Variants in SYCP2L observed in about 807,000 individuals in gnomAD.
The protein encoded by SYCP2L is synaptonemal complex protein 2 like.
A neutral mutation model predicts 125.8 loss-of-function variants in SYCP2L; 98 were observed. The observed-to-expected ratio is 0.78, with a 90% CI of 0.66 to 0.92. The LOEUF (loss-of-function observed/expected upper bound fraction) is 0.92, where lower values mean the gene tolerates loss of function less well. SYCP2L is among the 40% of genes least tolerant of loss of function. The pLI is 0.00. For missense variants in SYCP2L, 842 were observed against 936.4 expected (o/e 0.90, Z 1.32); for synonymous variants, 317 against 325.4 (o/e 0.97, Z 0.28).
intron 14 of SYCP2L, 102 bp downstream of exon 14, chr6:10,913,029 C>G: frequency 4.4e-6 from 5 of 1,141,856 alleles, no homozygotes; most frequent in Non-Finnish European, 6.3e-6. Context: ...TTTGACCATG[C>G]CTTGAGGTAG....
At chr6:10,944,212 T>A (rs1781271953) in intron 23 of SYCP2L, among the ~76,000 whole-genome samples, 1 of 152,234 alleles carries the variant, frequency 6.6e-6, no homozygotes, top group Admixed American at 6.5e-5. Context: ...ACTTGGTATT[T>A]TAAATTTCTG....
chr6:10,894,943 G>A (rs1027259925), intron 4 of SYCP2L, among the ~76,000 whole-genome samples: 3 of 152,142 alleles, frequency 2.0e-5, no homozygotes, highest in Non-Finnish European at 4.4e-5. Context: ...GAAGTTTATT[G>A]AGGCCAGATT....
chr6:10,902,630 C>A (rs779432078), intron 6 of SYCP2L, 47 bp from the exon 7 acceptor site: 9 of 1,542,242 alleles, frequency 5.8e-6, no homozygotes, highest in Non-Finnish European at 4.5e-6. Context: ...GAGTCATTTT[C>A]TTACTCTTCC....
chr6:10,906,323 T>C (rs1174841177), intron 9 of SYCP2L, among the ~76,000 whole-genome samples: 1 of 152,042 alleles, frequency 6.6e-6, no homozygotes, highest in African/African-American at 2.4e-5. Flanking sequence ...AAAAAAACAG[T>C]GTCATGGATA....
chr6:10,917,241 G>A (rs2113331686), intron 14 of SYCP2L, among the ~76,000 whole-genome samples: 1 of 152,290 alleles, frequency 6.6e-6, no homozygotes, highest in South Asian at 2.1e-4. Flanking sequence ...TGTCAGTGGA[G>A]TATTGAAGTC....
intron 21 of SYCP2L, among the ~76,000 whole-genome samples, chr6:10,938,978 G>A (rs1484282847): frequency 6.6e-6 from 1 of 152,030 alleles, no homozygotes; most frequent in African/African-American, 2.4e-5. Context: ...ATATTAGCTA[G>A]GCATGGTGGC....
chr6:10,943,568 T>C (rs928771093), intron 23 of SYCP2L, among the ~76,000 whole-genome samples: 1 of 151,394 alleles, frequency 6.6e-6, no homozygotes, highest in African/African-American at 2.4e-5. Flanking sequence ...AAAGAATGAC[T>C]ATAAAGTGAA....
At chr6:10,936,453 C>G (rs1781096806) in intron 21 of SYCP2L, among the ~76,000 whole-genome samples, 1 of 151,718 alleles carries the variant, frequency 6.6e-6, no homozygotes, top group South Asian at 2.1e-4. Context: ...CCACTGCACT[C>G]CAGCCTGGGC....
intron 29 of SYCP2L, among the ~76,000 whole-genome samples, chr6:10,967,493 G>A (rs886091195): frequency 6.7e-6 from 1 of 150,330 alleles, no homozygotes; most frequent in Admixed American, 6.6e-5. Context: ...GTGTGTGTGT[G>A]TGTATTGAGG....
rs922442830 is a variant in SYCP2L, at chr6:10,898,017, T to A, written c.343T>A (p.Ser115Thr). ...IRQGLIPKLV[S>T]WFERTTGILT... ...TTAGTGTCCTCCTGTGTACCTAGTT[T>A]CCTGGTTTGAAAGAACAACAGGAAT... The change falls in exon 5 of 30, where the codon TCC (serine) becomes ACC (threonine). Residue 115 changes from serine (S) to threonine (T), a missense_variant. Physicochemically the swap from Ser to Thr is moderately conservative, Grantham distance 58. Coordinates refer to ENST00000283141, the MANE Select transcript of SYCP2L (RefSeq NM_001040274.3). 1.2e-6 allele frequency: 2 copies of A among 1,613,168 alleles called. No individual in the cohort carries two copies. The highest frequency in any genetic ancestry group is 2.7e-5 in the African/African-American group (2 of 74,926).
chr6:10,935,644 C>T (rs2113366728), intron 21 of SYCP2L, among the ~76,000 whole-genome samples: 1 of 152,144 alleles, frequency 6.6e-6, no homozygotes, highest in South Asian at 2.1e-4. Flanking sequence ...CCTGCCTCAG[C>T]CTCCCATGCC....
At chr6:10,936,138 T>C (rs1316333123) in intron 21 of SYCP2L, among the ~76,000 whole-genome samples, 2 of 152,052 alleles carry the variant, frequency 1.3e-5, no homozygotes, top group Admixed American at 6.6e-5. Flanking sequence ...AATCTGTTAG[T>C]GTAGCTGCCA....
chr6:10,925,742 A>G (rs547889234), intron 15 of SYCP2L, among the ~76,000 whole-genome samples: 1 of 152,310 alleles, frequency 6.6e-6, no homozygotes, highest in South Asian at 2.1e-4. Flanking sequence ...CATTTCATGG[A>G]TGAGGATGAG....
At chr6:10,932,916 G>GCT (rs1561692212) in intron 20 of SYCP2L, among the ~76,000 whole-genome samples, 1 of 152,154 alleles carries the variant, frequency 6.6e-6, no homozygotes, top group Non-Finnish European at 1.5e-5. Context: ...ACCACGCCCA[G>GCT]CTAATGTTTG....
At chr6:10,932,198 A>AG (rs1781008418) in intron 20 of SYCP2L, among the ~76,000 whole-genome samples, 1 of 152,120 alleles carries the variant, frequency 6.6e-6, no homozygotes, top group Non-Finnish European at 1.5e-5. Context: ...GCAAGTGCTT[A>AG]GGATACCTTC....
At chr6:10,887,207 G>C in intron 1 of SYCP2L, 72 bp downstream of exon 1, 1 of 1,602,780 alleles carries the variant, frequency 6.2e-7, no homozygotes, top group South Asian at 1.1e-5. Context: ...GGGTCCCTGG[G>C]GCTCAGGTTC....
chr6:10,897,948 T>A, intron 4 of SYCP2L, 63 bp from the exon 5 acceptor site: 1 of 1,044,986 alleles, frequency 9.6e-7, no homozygotes, highest in South Asian at 1.3e-5. Context: ...AATTGTCTTG[T>A]GCAATTTTAT....
At chr6:10,887,495 A>G (rs551909883) in intron 1 of SYCP2L, among the ~76,000 whole-genome samples, 69 of 152,228 alleles carry the variant, frequency 4.5e-4, no homozygotes, top group African/African-American at 1.6e-3. Context: ...GTGTTAAGCA[A>G]CCCCAAGTGC....
rs561420539 is a variant in SYCP2L, at chr6:10,907,402, T to C, written c.677-140T>C. The C allele has an allele frequency of 6.3e-6, 4 of 632,376 alleles. No homozygotes were observed. In the African/African-American group the frequency reaches 7.4e-5, roughly 12 times the overall value. 39.2% of individuals were successfully genotyped at this position (632,376 alleles called of 1,614,324 possible). A position where few individuals can be genotyped will look rare whatever the true frequency, so the allele number is the denominator to read the frequency against. On this transcript the variant is annotated intron_variant, in intron 9 of 29. Transcript: ENST00000283141. The stretch of plus-strand genomic sequence containing the variant: ...ATGATTCTAATTACTCCAGGATGCA[T>C]TTTGCTGTGGTAACTTTTTAAGACA...
Sources: gnomAD v4.1 joint callset for allele counts (sites outside exome capture counted in the v4.1 genomes callset) on GRCh38, gnomAD v4.1.1 for gene constraint, MANE v1.5 for transcripts, NCBI Gene and HGNC (gene_info 2026-07-23, HGNC 2026-07-21) for gene names.